Variants in PCDHA1 observed in about 807,000 individuals in gnomAD.
The protein encoded by PCDHA1 is protocadherin alpha 1.
In PCDHA1, 42 loss-of-function variants were observed where a neutral mutation model predicts 61.3. That is an observed-to-expected ratio of 0.69 (90% CI 0.54 to 0.89). The LOEUF (loss-of-function observed/expected upper bound fraction) is 0.89, where lower values mean the gene tolerates loss of function less well. PCDHA1 is among the 40% of genes least tolerant of loss of function. PCDHA1 has a pLI of 0.00. For missense variants in PCDHA1, 1,256 were observed against 1,235.3 expected, an observed-to-expected ratio of 1.02 and a Z score of -0.25; for synonymous variants, 610 against 553.8, an observed-to-expected ratio of 1.10 and a Z score of -1.43.
Position 140,787,227 on chromosome 5 carries a change from AC to A in PCDHA1, c.938del (p.Thr313LysfsTer8). The A allele has an allele frequency of 6.2e-7, 1 of 1,614,172 alleles. No individual in the cohort carries two copies. Among genetic ancestry groups the A allele is most frequent in the South Asian group, 1.1e-5 (1 of 91,086 alleles). On this transcript the variant is annotated frameshift_variant, in exon 1 of 4. Transcript: ENST00000504120. LOFTEE classifies it high-confidence loss of function. Reference protein sequence around the residue: ...RLIDKLDYEETKSYEIQVKAV... With the variant: ...RLIDKLDYEEXKSYEIQVKAV... Reference sequence around the variant, plus strand: ...AATTGATAAACTGGATTATGAAGAAACAAAATCCTACGAAATTCAAGTAAAG... The same window carrying A: ...AATTGATAAACTGGATTATGAAGAAAAAAATCCTACGAAATTCAAGTAAAG...
chr5:140,844,090 A>G (rs1779217749), intron 1 of PCDHA1, among the ~76,000 whole-genome samples: 1 of 149,658 alleles, frequency 6.7e-6, no homozygotes. Context: ...CTGAACTCTT[A>G]ATCTTACTCC....
chr5:140,988,363 C>T (rs782342714), intron 3 of PCDHA1, among the ~76,000 whole-genome samples: 25 of 152,132 alleles, frequency 1.6e-4, no homozygotes, highest in Admixed American at 4.6e-4. Context: ...CTTTTACTTT[C>T]TGGGGTTGTG....
chr5:140,795,994 A>G, intron 1 of PCDHA1: 2 of 1,614,128 alleles, frequency 1.2e-6, no homozygotes, highest in Non-Finnish European at 1.7e-6. Context: ...TGTGGACATC[A>G]ATGATAACAC....
intron 3 of PCDHA1, 24 bp from the exon 4 acceptor site, chr5:141,009,603 G>A (rs1554262223): frequency 1.2e-6 from 2 of 1,608,568 alleles, no homozygotes; most frequent in African/African-American, 2.7e-5. Context: ...CCCTGTTAAT[G>A]ATTTGTAATG....
intron 1 of PCDHA1, among the ~76,000 whole-genome samples, chr5:140,799,822 G>A (rs1310358472): frequency 6.6e-6 from 1 of 151,780 alleles, no homozygotes; most frequent in Non-Finnish European, 1.5e-5. Flanking sequence ...AAATGGTCTG[G>A]GTATAAGCAA....
chr5:140,829,542 C>T, intron 1 of PCDHA1: 4 of 1,612,968 alleles, frequency 2.5e-6, no homozygotes, highest in Non-Finnish European at 3.4e-6. Context: ...GACGCGGACG[C>T]GCAGGAGAAC....
At chr5:140,920,107 C>A (rs1480708499) in intron 1 of PCDHA1, among the ~76,000 whole-genome samples, 1 of 152,300 alleles carries the variant, frequency 6.6e-6, no homozygotes, top group Non-Finnish European at 1.5e-5. Flanking sequence ...GGGAGTGCAA[C>A]CTTGCCAACA....
intron 1 of PCDHA1, chr5:140,808,325 G>T (rs1347522156): frequency 1.9e-6 from 3 of 1,614,120 alleles, no homozygotes; most frequent in East Asian, 4.5e-5. Context: ...CAAAGACATG[G>T]GTGTCAATGG....
At chr5:140,858,061 C>A (rs1554151115) in intron 1 of PCDHA1, 1 of 1,597,498 alleles carries the variant, frequency 6.3e-7, no homozygotes, top group South Asian at 1.1e-5. Context: ...TTGTGGAGGG[C>A]AGCCAGGCAC....
In PCDHA1 at chr5:141,010,039, T is replaced by G. The variant is rs2098415843; in HGVS notation, c.*102T>G. ...TCCTTTTTCCTATCTACATGAGCCCTCTTAGAGACCTCAGAAATCTGCAGA... is the reference window on the plus strand; with the variant it reads ...TCCTTTTTCCTATCTACATGAGCCCGCTTAGAGACCTCAGAAATCTGCAGA... On this transcript the variant is annotated 3_prime_UTR_variant, in exon 4 of 4. Coordinates refer to ENST00000504120, the MANE Select transcript of PCDHA1 (RefSeq NM_018900.4). The G allele has an allele frequency of 1.4e-5, 23 of 1,593,158 alleles. No homozygotes were observed. Among genetic ancestry groups the G allele is most frequent in the Non-Finnish European group, 1.8e-5 (21 of 1,170,616 alleles).
intron 1 of PCDHA1, chr5:140,968,823 A>T (rs569036779): frequency 1.2e-6 from 2 of 1,614,192 alleles, no homozygotes; most frequent in Non-Finnish European, 8.5e-7. Context: ...AGGGTTTCCA[A>T]AATCCTCCCT....
rs782638942 is a variant in PCDHA1, at chr5:140,876,442, G to T, written c.2394+87758G>T. The T allele has an allele frequency of 1.5e-5, 25 of 1,613,894 alleles. 1 individual carries two copies. The South Asian group carries it at 2.7e-4, about 18-fold the overall frequency. The stretch of plus-strand genomic sequence containing the variant: ...CTATGAAATTCAGGTTAACGCCATT[G>T]ATAAAGGGATTCCTTCCATGGCAGG... On this transcript the variant is annotated intron_variant, in intron 1 of 3. Coordinates refer to ENST00000504120, the MANE Select transcript of PCDHA1 (RefSeq NM_018900.4).
At chr5:140,913,503 T>G (rs1334607884) in intron 1 of PCDHA1, among the ~76,000 whole-genome samples, 6 of 152,182 alleles carry the variant, frequency 3.9e-5, no homozygotes, top group African/African-American at 1.4e-4. Context: ...GTTTAAAACT[T>G]TGTCAATTTT....
intron 1 of PCDHA1, among the ~76,000 whole-genome samples, chr5:140,819,032 C>A (rs2150102961): frequency 3.2e-4 from 48 of 152,278 alleles, no homozygotes; most frequent in African/African-American, 1.0e-3. Flanking sequence ...TTAGCACATT[C>A]CCTTATAGGG....
intron 1 of PCDHA1, chr5:140,883,657 C>T: frequency 1.2e-6 from 2 of 1,613,594 alleles, no homozygotes; most frequent in Non-Finnish European, 1.7e-6. Context: ...ACACGGTGTT[C>T]GTGAAGGAAA....
At position 140,926,851 on chromosome 5, in the gene PCDHA1, T is replaced by C. The variant is rs201136210; in HGVS notation, c.2395-52098T>C. 6.6e-6 allele frequency: 10 copies of C among 1,517,220 alleles called. No individual in the cohort carries two copies. In the Admixed American group the frequency reaches 6.6e-5, roughly 10 times the overall value. The allele number at this position is 1,517,220 out of a possible 1,614,324, so 94.0% of individuals were successfully genotyped here. ...TCCGGAGCATGGTCCTGGGTCACCGTTGGTGTAGCGTGTTGGTGGAACGTG... is the reference window on the plus strand; with the variant it reads ...TCCGGAGCATGGTCCTGGGTCACCGCTGGTGTAGCGTGTTGGTGGAACGTG... On this transcript the variant is annotated intron_variant, in intron 1 of 3. Coordinates refer to ENST00000504120, the MANE Select transcript of PCDHA1 (RefSeq NM_018900.4).
intron 1 of PCDHA1, among the ~76,000 whole-genome samples, chr5:140,948,500 T>C (rs1482428616): frequency 6.6e-6 from 1 of 151,662 alleles, no homozygotes; most frequent in Non-Finnish European, 1.5e-5. Context: ...TCATAGACTT[T>C]CTATTAAAAA....
In PCDHA1 at chr5:140,893,407, C is replaced by T. The variant is rs782798159; in HGVS notation, c.2395-85542C>T. Among the ~76,000 whole-genome samples, 300 of 152,168 alleles carry T rather than the reference C, an allele frequency of 2.0e-3. 2 individuals are homozygous for T. The highest frequency in any genetic ancestry group is 3.7e-3 in the Non-Finnish European group (250 of 67,998). The stretch of plus-strand genomic sequence containing the variant: ...GTGGCTCATGCCTGTAATCCCAGCA[C>T]TTAGGGAGGCAGAGGCAGGAAGATC... On this transcript the variant is annotated intron_variant, in intron 1 of 3. Transcript: ENST00000504120.
intron 1 of PCDHA1, among the ~76,000 whole-genome samples, chr5:140,923,305 G>T (rs552769255): frequency 2.6e-5 from 4 of 152,186 alleles, no homozygotes; most frequent in Non-Finnish European, 5.9e-5. Context: ...GGGCGTGGGG[G>T]CGCTTGGCCT....
Sources: allele counts gnomAD v4.1 joint callset (sites outside exome capture counted in the v4.1 genomes callset), GRCh38; gene constraint gnomAD v4.1.1; transcripts MANE v1.5; gene names NCBI Gene and HGNC (gene_info 2026-07-23, HGNC 2026-07-21).